Variants in NRG4 observed in about 807,000 individuals in gnomAD.
The protein encoded by NRG4 is neuregulin 4.
A neutral mutation model predicts 15.0 loss-of-function variants in NRG4; 10 were observed. The observed-to-expected ratio is 0.67, with a 90% CI of 0.41 to 1.13. NRG4 has a LOEUF of 1.13. Ranked by LOEUF, NRG4 falls within the 50% of genes most tolerant of loss-of-function variation. NRG4 has a pLI of 0.00. For missense variants in NRG4, 139 were observed against 140.2 expected (o/e 0.99, Z 0.04); for synonymous variants, 41 against 50.1 (o/e 0.82, Z 0.77).
chr15:75,961,114 T>C (rs999093535), intron 4 of NRG4, among the ~76,000 whole-genome samples: 1 of 152,222 alleles, frequency 6.6e-6, no homozygotes, highest in Non-Finnish European at 1.5e-5. Context: ...GTATCTATGA[T>C]AGAATACAGT....
At chr15:76,057,218 G>C (rs2141973036) in intron 1 of NRG4, 1 of 56,740 alleles carries the variant, frequency 1.8e-5, no homozygotes, top group Admixed American at 1.3e-4. Flanking sequence ...AATCACCTGG[G>C]GCAGTTAAAA....
chr15:75,976,516 G>T (rs888728423), intron 3 of NRG4, among the ~76,000 whole-genome samples: 1 of 152,082 alleles, frequency 6.6e-6, no homozygotes, highest in East Asian at 1.9e-4. Context: ...TTCGGCTGGG[G>T]TTTTTTTGTG....
chr15:76,013,252 G>A (rs553423933), upstream of NRG4, among the ~76,000 whole-genome samples: 10 of 152,014 alleles, frequency 6.6e-5, no homozygotes, highest in South Asian at 2.1e-4. Context: ...GTGTGAACCC[G>A]GGAGGCGGAG....
At chr15:76,013,563 T>C (rs142656465), upstream of NRG4, among the ~76,000 whole-genome samples, 1,079 of 152,206 alleles carry the variant, frequency 7.1e-3, 18 homozygotes, top group African/African-American at 0.024. Context: ...ATTCTCATTG[T>C]TCAATTTCCA....
chr15:76,025,599 G>T (rs753458666), intron 5 of NRG4, among the ~76,000 whole-genome samples: 2 of 152,104 alleles, frequency 1.3e-5, no homozygotes, highest in African/African-American at 4.8e-5. Flanking sequence ...TTGAGGCTGG[G>T]CACAATGGCT....
chr15:75,964,008 T>A (rs1186402410), intron 3 of NRG4, among the ~76,000 whole-genome samples: 1 of 151,884 alleles, frequency 6.6e-6, no homozygotes, highest in Non-Finnish European at 1.5e-5. Flanking sequence ...ATTTATAAAT[T>A]TTAAATATAA....
chr15:76,037,144 G>A (rs2035615678), intron 4 of NRG4, among the ~76,000 whole-genome samples: 1 of 152,204 alleles, frequency 6.6e-6, no homozygotes, highest in African/African-American at 2.4e-5. Flanking sequence ...GATGGAGCAA[G>A]ATGGCAGAAT....
At chr15:75,999,925 C>T (rs78037048) in intron 3 of NRG4, among the ~76,000 whole-genome samples, 5,602 of 152,184 alleles carry the variant, frequency 0.037, 177 homozygotes, top group African/African-American at 0.085. Context: ...ACTCAGGAGG[C>T]CAGCCTGGAG....
chr15:76,048,485 A>T (rs1416080489), intron 4 of NRG4, among the ~76,000 whole-genome samples: 1 of 150,330 alleles, frequency 6.7e-6, no homozygotes, highest in African/African-American at 2.5e-5. Flanking sequence ...AAAAAAAAAA[A>T]AAAAAAGCTG....
chr15:75,983,340 T>C (rs1595985767), intron 3 of NRG4, among the ~76,000 whole-genome samples: 1 of 152,166 alleles, frequency 6.6e-6, no homozygotes, highest in African/African-American at 2.4e-5. Flanking sequence ...AATAGAAATA[T>C]AGTTACTTCC....
chr15:75,971,907 T>C (rs1318244682), intron 3 of NRG4, among the ~76,000 whole-genome samples: 1 of 152,212 alleles, frequency 6.6e-6, no homozygotes, highest in Non-Finnish European at 1.5e-5. Context: ...CTGGGTCAAA[T>C]GGCATTTCTA....
intron 5 of NRG4, among the ~76,000 whole-genome samples, chr15:76,030,030 G>A (rs935900907): frequency 7.9e-5 from 12 of 152,206 alleles, no homozygotes; most frequent in African/African-American, 1.9e-4. Flanking sequence ...AGGCCAAGGC[G>A]GGTGGATCAC....
At chr15:76,046,356 A>C (rs1200935481) in intron 4 of NRG4, among the ~76,000 whole-genome samples, 1 of 151,292 alleles carries the variant, frequency 6.6e-6, no homozygotes, top group Non-Finnish European at 1.5e-5. Flanking sequence ...AAAAATTCTT[A>C]AATTTATATG....
At chr15:76,011,189 T>C in intron 2 of NRG4, 32 bp downstream of exon 2, 1 of 1,384,466 alleles carries the variant, frequency 7.2e-7, no homozygotes, top group Non-Finnish European at 9.5e-7. Flanking sequence ...GGACACATAT[T>C]GACAAAAACA....
intron 4 of NRG4, among the ~76,000 whole-genome samples, chr15:75,959,766 G>A (rs2032426614): frequency 6.6e-6 from 1 of 152,136 alleles, no homozygotes; most frequent in Middle Eastern, 3.2e-3. Context: ...ATACAGACAT[G>A]AGCTACCATG....
chr15:76,060,191 C>T (rs1385589009), upstream of NRG4, among the ~76,000 whole-genome samples: 2 of 151,936 alleles, frequency 1.3e-5, no homozygotes, highest in Non-Finnish European at 2.9e-5. Context: ...GGCGAGGGTG[C>T]GTGGGGCAGC....
At chr15:75,965,664 A>G (rs184744765) in intron 3 of NRG4, among the ~76,000 whole-genome samples, 75 of 152,372 alleles carry the variant, frequency 4.9e-4, no homozygotes, top group African/African-American at 1.8e-3. Flanking sequence ...GACTGTGTAC[A>G]AGGATTCTAC....
downstream of NRG4, chr15:75,937,185 G>A (rs2030427460): frequency 6.6e-6 from 1 of 151,516 alleles, no homozygotes; most frequent in African/African-American, 2.4e-5. Context: ...CTAGGAAGCT[G>A]CAAGCTTTTG....
chr15:75,943,865 C>T (rs975067715), intron 5 of NRG4, among the ~76,000 whole-genome samples: 3 of 152,108 alleles, frequency 2.0e-5, no homozygotes, highest in African/African-American at 7.2e-5. Flanking sequence ...TCAGATTCCC[C>T]ATTCAAGTCT....
Sources: allele counts gnomAD v4.1 joint callset (sites outside exome capture counted in the v4.1 genomes callset), GRCh38; gene constraint gnomAD v4.1.1; transcripts MANE v1.5; gene names NCBI Gene and HGNC (gene_info 2026-07-23, HGNC 2026-07-21).